Variants in CAPN7 observed in about 807,000 individuals in gnomAD.
CAPN7 encodes the protein calpain 7.
CAPN7 carries 72 observed loss-of-function variants against 115.2 expected under a neutral mutation model. The observed-to-expected ratio is 0.63, with a 90% CI of 0.52 to 0.76. The LOEUF (loss-of-function observed/expected upper bound fraction) is 0.76, where lower values mean the gene tolerates loss of function less well. Ranked by LOEUF, CAPN7 falls within the 30% of genes least tolerant of loss-of-function variation. The pLI is 0.00. For synonymous variants in CAPN7, 344 were observed against 322.3 expected (o/e 1.07, Z -0.72); for missense variants, 905 against 971.5 (o/e 0.93, Z 0.91).
intron 1 of CAPN7, 61 bp downstream of exon 1, chr3:15,206,658 G>T (rs900609177): frequency 1.6e-6 from 2 of 1,256,494 alleles, no homozygotes; most frequent in Non-Finnish European, 2.2e-6. Flanking sequence ...CCGGGCCTGC[G>T]GCCGAGGGGC....
At chr3:15,217,299 C>T in intron 2 of CAPN7, 126 bp from the exon 3 acceptor site, 2 of 790,178 alleles carry the variant, frequency 2.5e-6, no homozygotes, top group Non-Finnish European at 3.6e-6. Context: ...ATTTTTTTAA[C>T]CTTGCTAAGT....
chr3:15,225,736 C>G (rs1168774058), intron 6 of CAPN7, among the ~76,000 whole-genome samples: 1 of 152,192 alleles, frequency 6.6e-6, no homozygotes, highest in Non-Finnish European at 1.5e-5. Flanking sequence ...TTAAGTTGCA[C>G]CCCAGTGCCT....
At chr3:15,247,738 G>A (rs1167388447) in intron 19 of CAPN7, among the ~76,000 whole-genome samples, 1 of 152,136 alleles carries the variant, frequency 6.6e-6, no homozygotes, top group African/African-American at 2.4e-5. Flanking sequence ...AGATGATAAT[G>A]CAGGAAATGT....
intron 19 of CAPN7, among the ~76,000 whole-genome samples, chr3:15,248,172 TAATAAAAAAATAAATAAATAAATAAA>T (rs1410824186): frequency 5.3e-5 from 8 of 151,266 alleles, no homozygotes; most frequent in Non-Finnish European, 1.2e-4. Context: ...ACTTAAAGTA[TAATAAAAAAATAAATAAATAAATAAA>T]AATAAAAAAA....
chr3:15,218,176 C>G (rs772969147), intron 3 of CAPN7, among the ~76,000 whole-genome samples: 133 of 152,160 alleles, frequency 8.7e-4, no homozygotes, highest in Non-Finnish European at 1.7e-3. Context: ...TGCCTTGAGA[C>G]TAAATGAGTG....
rs538939347 is a variant in CAPN7, at chr3:15,219,381, C to A, written c.437+841C>A. Among the ~76,000 whole-genome samples the A allele has an allele frequency of 2.8e-4, 43 of 152,278 alleles. 1 individual carries two copies. The highest frequency in any genetic ancestry group is 4.1e-4 in the African/African-American group (17 of 41,550). On this transcript the variant is annotated intron_variant, in intron 4 of 20. Coordinates refer to ENST00000253693, the MANE Select transcript of CAPN7 (RefSeq NM_014296.3). ...GCTCTGACCTGATAGATAACTGTACCACCCCAAGCCCTTCTTTTTTTAACT... is the reference window on the plus strand; with the variant it reads ...GCTCTGACCTGATAGATAACTGTACAACCCCAAGCCCTTCTTTTTTTAACT...
At position 15,251,339 on chromosome 3, in the gene CAPN7, TA is replaced by T; in HGVS notation, c.*81del. 1 of 1,159,680 alleles carries T rather than the reference TA, an allele frequency of 8.6e-7. No homozygotes were observed. Among genetic ancestry groups the T allele is most frequent in the Non-Finnish European group, 1.2e-6 (1 of 814,524 alleles). The allele number at this position is 1,159,680 out of a possible 1,614,324, so 71.8% of individuals were successfully genotyped here. A position where few individuals can be genotyped will look rare whatever the true frequency, so the allele number is the denominator to read the frequency against. ...ATAAGGACGCAAATCTTCAGGACAG[TA>T]AGCAGAACAATCAGAATGGAATTAA... On this transcript the variant is annotated 3_prime_UTR_variant, in exon 21 of 21. Transcript: ENST00000253693.
intron 17 of CAPN7, chr3:15,245,906 C>T (rs774754230): frequency 1.3e-5 from 5 of 398,716 alleles, no homozygotes; most frequent in Non-Finnish European, 2.2e-5. Flanking sequence ...AGTTTAGCCC[C>T]GTGGTAATAT....
chr3:15,229,056 C>T lies in CAPN7; in HGVS notation c.935C>T (p.Thr312Ile), dbSNP rs140855092. Residue 312 changes from threonine to isoleucine, a missense_variant, in exon 8 of 21, where the codon ACC (threonine) becomes ATC (isoleucine). Thr to Ile is a moderately conservative substitution (Grantham distance 89). Transcript: ENST00000253693. The part of the protein sequence containing the change: ...YERRFNKKLI[T>I]GIIYPQNKDG... Reference sequence around the variant, plus strand: ...AGACGTTTTAATAAGAAGTTAATTACCGGGTAAAAATGTGTCTCTCTTTAC... The same window carrying T: ...AGACGTTTTAATAAGAAGTTAATTATCGGGTAAAAATGTGTCTCTCTTTAC... 1.1e-4 allele frequency: 170 copies of T among 1,609,194 alleles called. No individual in the cohort carries two copies. The highest frequency in any genetic ancestry group is 1.3e-4 in the Non-Finnish European group (156 of 1,176,184).
Position 15,240,739 on chromosome 3 carries a change from G to C in CAPN7, c.1553-15G>C, listed in dbSNP as rs374510064. ...ATTAAGATTTTTTTAGATTAACAAA[G>C]ATATTAATTTTCAGGAATATTTTGG... On this transcript the variant is annotated splice_polypyrimidine_tract_variant and intron_variant, in intron 13 of 20. Transcript: ENST00000253693. The C allele has an allele frequency of 1.3e-6, 2 of 1,585,336 alleles. No homozygotes were observed. Among genetic ancestry groups the C allele is most frequent in the African/African-American group, 2.7e-5 (2 of 73,968 alleles).
chr3:15,243,273 T>G (rs1246273031), intron 16 of CAPN7, among the ~76,000 whole-genome samples: 1 of 152,056 alleles, frequency 6.6e-6, no homozygotes, highest in Non-Finnish European at 1.5e-5. Flanking sequence ...TTTGCAGAGG[T>G]CAGATCACAT....
intron 16 of CAPN7, among the ~76,000 whole-genome samples, chr3:15,243,271 G>C (rs530793772): frequency 6.6e-6 from 1 of 152,264 alleles, no homozygotes; most frequent in African/African-American, 2.4e-5. Context: ...GATTTGCAGA[G>C]GTCAGATCAC....
At chr3:15,229,764 A>G (rs1022109850) in intron 8 of CAPN7, among the ~76,000 whole-genome samples, 16 of 151,538 alleles carry the variant, frequency 1.1e-4, no homozygotes, top group African/African-American at 3.6e-4. Flanking sequence ...GGGAAATATA[A>G]CATATTTCTG....
chr3:15,249,138 G>C (rs182509014), intron 19 of CAPN7, among the ~76,000 whole-genome samples: 109 of 151,294 alleles, frequency 7.2e-4, no homozygotes, highest in African/African-American at 2.6e-3. Context: ...TAGATACGAA[G>C]ATTTGATTAA....
At position 15,235,024 on chromosome 3, in the gene CAPN7, G is replaced by A; in HGVS notation, c.1287-1G>A. 1 of 1,601,572 alleles carries A rather than the reference G, an allele frequency of 6.2e-7. No individual in the cohort carries two copies. Among genetic ancestry groups the A allele is most frequent in the Non-Finnish European group, 8.5e-7 (1 of 1,176,360 alleles). On this transcript the variant is annotated splice_acceptor_variant, in intron 11 of 20. Transcript: ENST00000253693. LOFTEE classifies it high-confidence loss of function. ...TTAATTGTCTTTGGGGTTCATTCCA[G>A]ATTTCACAAAGGAGATGTCCTCATC...
Position 15,206,476 on chromosome 3 carries a change from C to G in CAPN7, c.-20C>G. The G allele has an allele frequency of 1.3e-6, 2 of 1,529,418 alleles. No homozygotes were observed. The highest frequency in any genetic ancestry group is 1.8e-6 in the Non-Finnish European group (2 of 1,133,606). 94.7% of individuals were successfully genotyped at this position (1,529,418 alleles called of 1,614,324 possible). ...TGCGTCAGGGCCTCCTTCCCTGCCC[C>G]GGCGCGGGGCCACTGCGCCATGGAC... On this transcript the variant is annotated 5_prime_UTR_variant, in exon 1 of 21. Coordinates refer to ENST00000253693, the MANE Select transcript of CAPN7 (RefSeq NM_014296.3).
At chr3:15,245,435 T>C in intron 16 of CAPN7, 91 bp from the exon 17 acceptor site, 1 of 1,147,982 alleles carries the variant, frequency 8.7e-7, no homozygotes, top group Non-Finnish European at 1.3e-6. Flanking sequence ...GTTAAGGAGA[T>C]GTCCATCCAA....
chr3:15,208,955 G>A (rs2044783312), intron 1 of CAPN7, among the ~76,000 whole-genome samples: 1 of 152,096 alleles, frequency 6.6e-6, no homozygotes, highest in Non-Finnish European at 1.5e-5. Flanking sequence ...TGTATGTGCT[G>A]TCAATAAAGT....
chr3:15,225,425 C>G (rs904184014), intron 6 of CAPN7, among the ~76,000 whole-genome samples: 1 of 152,086 alleles, frequency 6.6e-6, no homozygotes, highest in Non-Finnish European at 1.5e-5. Flanking sequence ...TCATTTCTAT[C>G]TTTTTGCAAC....
Sources: allele counts gnomAD v4.1 joint callset (sites outside exome capture counted in the v4.1 genomes callset), GRCh38; gene constraint gnomAD v4.1.1; transcripts MANE v1.5; gene names NCBI Gene and HGNC (gene_info 2026-07-23, HGNC 2026-07-21).